The following PDE8A variants were observed in gnomAD, a reference collection of about 807,000 sequenced individuals.
PDE8A encodes the protein high affinity cAMP-specific and IBMX-insensitive 3',5'-cyclic phosphodiesterase 8A.
A neutral mutation model predicts 105.0 loss-of-function variants in PDE8A; 59 were observed. The ratio of observed to expected loss-of-function variants is 0.56; its 90% confidence interval spans 0.46 to 0.70. The LOEUF is 0.70. Ranked by LOEUF, PDE8A falls within the 30% of genes least tolerant of loss-of-function variation. PDE8A has a pLI of 0.00. For synonymous variants in PDE8A, 355 were observed against 371.9 expected (o/e 0.95, Z 0.52); for missense variants, 1,014 against 1,045.9 (o/e 0.97, Z 0.42).
chr15:85,032,206 A>G (rs2080627050), intron 1 of PDE8A, among the ~76,000 whole-genome samples: 1 of 152,232 alleles, frequency 6.6e-6, no homozygotes, highest in Non-Finnish European at 1.5e-5. Flanking sequence ...ACAGTAGACA[A>G]TTTGCACACA....
chr15:85,131,608 AATT>A (rs1272910310), intron 20 of PDE8A, among the ~76,000 whole-genome samples: 2 of 152,226 alleles, frequency 1.3e-5, no homozygotes, highest in African/African-American at 2.4e-5. Flanking sequence ...TAACATTTAA[AATT>A]ATTTTTATGC....
chr15:85,040,838 C>T (rs765345590), intron 1 of PDE8A, among the ~76,000 whole-genome samples: 8 of 152,268 alleles, frequency 5.3e-5, no homozygotes, highest in East Asian at 1.9e-4. Flanking sequence ...GGATTACAGG[C>T]GTGAACCACC....
intron 1 of PDE8A, among the ~76,000 whole-genome samples, chr15:85,006,710 T>C (rs4843016): frequency 8.9e-4 from 136 of 152,256 alleles, no homozygotes; most frequent in Middle Eastern, 3.4e-3. Context: ...TTTTTTTTTT[T>C]CCCTGGTTTG....
chr15:85,092,260 G>A (rs1016735872), intron 8 of PDE8A, among the ~76,000 whole-genome samples: 12 of 152,000 alleles, frequency 7.9e-5, no homozygotes, highest in African/African-American at 2.9e-4. Context: ...CCCTGCCAGG[G>A]GAATGACAAA....
intron 11 of PDE8A, among the ~76,000 whole-genome samples, chr15:85,102,700 G>A (rs1243051110): frequency 6.6e-6 from 1 of 151,794 alleles, no homozygotes; most frequent in African/African-American, 2.4e-5. Context: ...TTAGCCAGGC[G>A]TCGTGGCGCA....
At chr15:85,072,880 A>G (rs1240457209) in intron 3 of PDE8A, among the ~76,000 whole-genome samples, 1 of 152,212 alleles carries the variant, frequency 6.6e-6, no homozygotes, top group East Asian at 1.9e-4. Context: ...TGGGAGGCCA[A>G]GGCAGGCAGA....
intron 1 of PDE8A, among the ~76,000 whole-genome samples, chr15:85,001,351 A>C (rs1186103455): frequency 6.6e-6 from 1 of 151,922 alleles, no homozygotes; most frequent in Non-Finnish European, 1.5e-5. Context: ...TTTTTTTTGT[A>C]TTTGCAATAT....
At chr15:85,014,708 G>A (rs1053458967) in intron 1 of PDE8A, among the ~76,000 whole-genome samples, 3 of 151,906 alleles carry the variant, frequency 2.0e-5, no homozygotes, top group African/African-American at 4.8e-5. Flanking sequence ...TGCTTTTCTC[G>A]CTTCACAGCA....
chr15:85,068,089 T>G (rs896927350), intron 3 of PDE8A, among the ~76,000 whole-genome samples: 4 of 152,136 alleles, frequency 2.6e-5, no homozygotes, highest in Non-Finnish European at 5.9e-5. Context: ...TAACCCAGTC[T>G]GGAGTGCAAG....
intron 1 of PDE8A, among the ~76,000 whole-genome samples, chr15:85,006,253 T>TA (rs1182628855): frequency 2.0e-4 from 30 of 151,936 alleles, no homozygotes; most frequent in Non-Finnish European, 2.9e-5. Flanking sequence ...CCCTAAAACT[T>TA]AAAGTATTAT....
intron 20 of PDE8A, among the ~76,000 whole-genome samples, chr15:85,132,984 C>T (rs1261695803): frequency 6.6e-6 from 1 of 151,996 alleles, no homozygotes; most frequent in African/African-American, 2.4e-5. Flanking sequence ...TCTTTGTATG[C>T]CTTGTGATTT....
chr15:85,000,352 C>A (rs545470960), intron 1 of PDE8A, among the ~76,000 whole-genome samples: 1 of 152,072 alleles, frequency 6.6e-6, no homozygotes, highest in Non-Finnish European at 1.5e-5. Flanking sequence ...GGTTTTCTGG[C>A]CTGTAAACCA....
chr15:85,114,154 A>G (rs2082060950), intron 14 of PDE8A, 117 bp downstream of exon 14: 2 of 855,024 alleles, frequency 2.3e-6, no homozygotes, highest in Admixed American at 5.2e-5. Flanking sequence ...GGGTTCAGTC[A>G]AGACCTAAAC....
At chr15:85,107,043 G>T (rs1044949949) in intron 11 of PDE8A, among the ~76,000 whole-genome samples, 12 of 152,198 alleles carry the variant, frequency 7.9e-5, no homozygotes, top group Non-Finnish European at 1.8e-4. Context: ...AGCAAGGAAG[G>T]CAAGAAGGCA....
chr15:84,998,037 A>G (rs2080008066), intron 1 of PDE8A, among the ~76,000 whole-genome samples: 1 of 152,240 alleles, frequency 6.6e-6, no homozygotes, highest in Non-Finnish European at 1.5e-5. Context: ...GTAATGAAAA[A>G]GCCCTAAATT....
chr15:85,039,650 T>C (rs1388673669), intron 1 of PDE8A, among the ~76,000 whole-genome samples: 1 of 152,226 alleles, frequency 6.6e-6, no homozygotes, highest in South Asian at 2.1e-4. Context: ...GAGATGTCTG[T>C]CTGTACTCCT....
chr15:85,093,862 C>T (rs1336712475), intron 8 of PDE8A, among the ~76,000 whole-genome samples: 1 of 148,024 alleles, frequency 6.8e-6, no homozygotes, highest in African/African-American at 2.5e-5. Flanking sequence ...TTTTAGAGAT[C>T]TTTTTTTTTT....
rs1364730374 is a variant in PDE8A, at chr15:85,070,003, C to T, written c.434+2799C>T. ...TTAAGATCATCCCTTTAAGGATGCC[C>T]GCCCACTTTGGACTGTTCAAGAAAT... On this transcript the variant is annotated intron_variant, in intron 3 of 21. Coordinates refer to ENST00000394553, the MANE Select transcript of PDE8A (RefSeq NM_002605.3). Among the ~76,000 whole-genome samples the T allele has an allele frequency of 7.9e-5, 12 of 152,242 alleles. No homozygotes were observed. In the East Asian group the frequency reaches 1.3e-3, roughly 17 times the overall value.
At chr15:85,092,429 C>T (rs191310304) in intron 8 of PDE8A, among the ~76,000 whole-genome samples, 30 of 151,780 alleles carry the variant, frequency 2.0e-4, no homozygotes, top group African/African-American at 7.0e-4. Context: ...CTCAGGTGCT[C>T]AGGTGCACCA....
Sources: allele counts gnomAD v4.1 joint callset (sites outside exome capture counted in the v4.1 genomes callset), GRCh38; gene constraint gnomAD v4.1.1; transcripts MANE v1.5; gene names NCBI Gene and HGNC (gene_info 2026-07-23, HGNC 2026-07-21).